Variants in RBFOX1 observed in about 807,000 individuals in gnomAD.
RBFOX1 encodes the protein RNA binding fox-1 homolog 1.
RBFOX1 carries 8 observed loss-of-function variants against 57.7 expected under a neutral mutation model. The ratio of observed to expected loss-of-function variants is 0.14; its 90% CI spans 0.08 to 0.25. The LOEUF (loss-of-function observed/expected upper bound fraction) is 0.25, where lower values mean the gene tolerates loss of function less well. RBFOX1 is among the 10% of genes least tolerant of loss of function. The pLI is 1.00. For synonymous variants in RBFOX1, 326 were observed against 222.4 expected, an observed-to-expected ratio of 1.47 and a Z score of -4.15; for missense variants, 611 against 548.5, an observed-to-expected ratio of 1.11 and a Z score of -1.14.
intron 4 of RBFOX1, among the ~76,000 whole-genome samples, chr16:7,132,053 A>G (rs1358525776): frequency 4.9e-5 from 7 of 143,108 alleles, no homozygotes; most frequent in Non-Finnish European, 1.0e-4. Flanking sequence ...GCGAAGTGGC[A>G]CAATATCAGG....
chr16:6,584,340 CATTATTATTATTATTATT>C (rs3045200), intron 2 of RBFOX1, among the ~76,000 whole-genome samples: 13 of 136,794 alleles, frequency 9.5e-5, no homozygotes, highest in Admixed American at 2.2e-4. Flanking sequence ...GTTTTATTTT[CATTATTATTATTATTATT>C]ATTATTATTA....
chr16:5,455,368 G>A (rs951437815), intron 1 of RBFOX1, among the ~76,000 whole-genome samples: 3 of 152,004 alleles, frequency 2.0e-5, no homozygotes, highest in Non-Finnish European at 2.9e-5. Flanking sequence ...TTCAGAAGCC[G>A]CCTAGTATCA....
intron 1 of RBFOX1, among the ~76,000 whole-genome samples, chr16:6,217,059 G>A (rs1446868766): frequency 1.3e-5 from 2 of 151,824 alleles, no homozygotes; most frequent in East Asian, 3.9e-4. Flanking sequence ...TGACATATCC[G>A]CATCTTAACA....
intron 4 of RBFOX1, among the ~76,000 whole-genome samples, chr16:7,368,036 G>A (rs1034956870): frequency 8.5e-5 from 13 of 152,076 alleles, no homozygotes; most frequent in African/African-American, 3.1e-4. Flanking sequence ...GGAAGCCGAG[G>A]ATGGTGAATC....
chr16:6,551,355 G>C (rs1336397624), intron 2 of RBFOX1, among the ~76,000 whole-genome samples: 4 of 152,196 alleles, frequency 2.6e-5, no homozygotes, highest in African/African-American at 4.8e-5. Flanking sequence ...TCTCAGACTA[G>C]TTATTCAACA....
intron 2 of RBFOX1, among the ~76,000 whole-genome samples, chr16:6,368,068 C>A (rs1216979440): frequency 6.6e-6 from 1 of 152,188 alleles, no homozygotes; most frequent in African/African-American, 2.4e-5. Flanking sequence ...CACACAGGCT[C>A]TCTGAAGTTG....
chr16:5,666,450 C>G (rs1466629832), intron 3 of RBFOX1, among the ~76,000 whole-genome samples: 1 of 152,172 alleles, frequency 6.6e-6, no homozygotes, highest in Non-Finnish European at 1.5e-5. Context: ...TCACTTTGTT[C>G]CCTGGATCTC....
At chr16:5,343,248 C>G (rs2065069394) in intron 1 of RBFOX1, among the ~76,000 whole-genome samples, 1 of 145,758 alleles carries the variant, frequency 6.9e-6, no homozygotes, top group Non-Finnish European at 1.5e-5. Context: ...TACTTCTGTA[C>G]TTTTCAGTTA....
At chr16:7,528,182 T>C (rs1228947767) in intron 5 of RBFOX1, among the ~76,000 whole-genome samples, 1 of 152,222 alleles carries the variant, frequency 6.6e-6, no homozygotes, top group African/African-American at 2.4e-5. Flanking sequence ...TAATGTTTCC[T>C]TAGGGGGCTT....
At chr16:5,702,677 G>C (rs551399555) in intron 3 of RBFOX1, among the ~76,000 whole-genome samples, 47 of 152,290 alleles carry the variant, frequency 3.1e-4, no homozygotes, top group African/African-American at 1.1e-3. Context: ...CAGTCTATGA[G>C]TATCAATTGA....
At chr16:7,230,630 T>A (rs1292512209) in intron 4 of RBFOX1, among the ~76,000 whole-genome samples, 1 of 152,172 alleles carries the variant, frequency 6.6e-6, no homozygotes, top group East Asian at 1.9e-4. Flanking sequence ...TAGCTTCTGA[T>A]GCATTCATTC....
chr16:7,517,839 T>A (rs946066890), intron 4 of RBFOX1, among the ~76,000 whole-genome samples: 3 of 139,154 alleles, frequency 2.2e-5, no homozygotes, highest in African/African-American at 8.1e-5. Flanking sequence ...AAAAAAAAAA[T>A]CAATCTAGTA....
intron 3 of RBFOX1, among the ~76,000 whole-genome samples, chr16:5,854,869 C>T (rs754897599): frequency 3.9e-5 from 6 of 152,144 alleles, no homozygotes; most frequent in Admixed American, 1.3e-4. Context: ...CCCTTTTCTC[C>T]GTATCCTCAC....
At chr16:5,311,299 G>T (rs1041992424) in intron 1 of RBFOX1, among the ~76,000 whole-genome samples, 4 of 151,904 alleles carry the variant, frequency 2.6e-5, no homozygotes. Context: ...TTTTCACTCA[G>T]TGGTCAATGG....
chr16:6,770,454 A>G (rs945510595), intron 3 of RBFOX1, among the ~76,000 whole-genome samples: 5 of 152,198 alleles, frequency 3.3e-5, no homozygotes, highest in Non-Finnish European at 7.3e-5. Flanking sequence ...GCAAGCATAT[A>G]TTTCTGCGGC....
chr16:6,358,014 A>G (rs755558912), intron 2 of RBFOX1, among the ~76,000 whole-genome samples: 4 of 152,148 alleles, frequency 2.6e-5, no homozygotes, highest in Admixed American at 1.3e-4. Context: ...GGAAATTTCA[A>G]TGGTTGTGTC....
At chr16:6,762,603 G>A (rs2076768964) in intron 3 of RBFOX1, among the ~76,000 whole-genome samples, 2 of 152,128 alleles carry the variant, frequency 1.3e-5, no homozygotes, top group African/African-American at 4.8e-5. Context: ...TCTTAGATAT[G>A]AAAGGAACAG....
At chr16:7,017,060 G>A (rs1393553293) in intron 3 of RBFOX1, among the ~76,000 whole-genome samples, 1 of 151,686 alleles carries the variant, frequency 6.6e-6, no homozygotes, top group Non-Finnish European at 1.5e-5. Flanking sequence ...TTTTTTTATT[G>A]TTCCATGTTG....
At chr16:6,085,382 C>T (rs2096068778) in intron 1 of RBFOX1, among the ~76,000 whole-genome samples, 1 of 152,206 alleles carries the variant, frequency 6.6e-6, no homozygotes, top group African/African-American at 2.4e-5. Flanking sequence ...AAGCGATTCT[C>T]CTGCCTCAGC....
Sources: allele counts gnomAD v4.1 joint callset (sites outside exome capture counted in the v4.1 genomes callset), GRCh38; gene constraint gnomAD v4.1.1; transcripts MANE v1.5; gene names NCBI Gene and HGNC (gene_info 2026-07-23, HGNC 2026-07-21).